THSD4: variants seen among roughly 807,000 people sequenced by gnomAD.
THSD4 encodes the protein thrombospondin type 1 domain containing 4, also known as thrombospondin type-1 domain-containing protein 4.
THSD4 carries 69 observed loss-of-function variants against 119.0 expected under a neutral mutation model. The ratio of observed to expected loss-of-function variants is 0.58; its 90% CI spans 0.48 to 0.71. The LOEUF is 0.71. THSD4 is among the 30% of genes least tolerant of loss of function. The pLI is 0.00. For missense variants in THSD4, 1,393 were observed against 1,391.1 expected, an observed-to-expected ratio of 1.00 and a Z score of -0.02; for synonymous variants, 524 against 540.4, an observed-to-expected ratio of 0.97 and a Z score of 0.42.
intron 7 of THSD4, among the ~76,000 whole-genome samples, chr15:71,591,028 A>G (rs1181412136): frequency 2.0e-5 from 3 of 147,836 alleles, no homozygotes; most frequent in African/African-American, 7.6e-5. Flanking sequence ...AAAAAAAAAA[A>G]AAAAAAAAAG....
At chr15:71,341,068 G>A (rs1381398316) in intron 6 of THSD4, 1 of 932,620 alleles carries the variant, frequency 1.1e-6, no homozygotes, top group Non-Finnish European at 1.6e-6. Context: ...TTCTTTTGTT[G>A]CCTTGCCTTT....
At chr15:71,171,740 G>T (rs2043366104) in intron 3 of THSD4, among the ~76,000 whole-genome samples, 1 of 152,166 alleles carries the variant, frequency 6.6e-6, no homozygotes, top group Admixed American at 6.5e-5. Context: ...TAGTATAAAT[G>T]CCAGAAAAGG....
At chr15:71,253,284 G>A (rs1451878242) in intron 5 of THSD4, among the ~76,000 whole-genome samples, 1 of 152,202 alleles carries the variant, frequency 6.6e-6, no homozygotes, top group East Asian at 1.9e-4. Flanking sequence ...TGGCAGATGT[G>A]TATGGATGTA....
At chr15:71,609,959 A>G (rs2050192731) in intron 7 of THSD4, among the ~76,000 whole-genome samples, 2 of 152,302 alleles carry the variant, frequency 1.3e-5, no homozygotes, top group African/African-American at 4.8e-5. Context: ...TTGCTCGGGC[A>G]TGCTTGGGGC....
chr15:71,284,066 A>T (rs1447018103), intron 6 of THSD4, among the ~76,000 whole-genome samples: 1 of 152,174 alleles, frequency 6.6e-6, no homozygotes, highest in Non-Finnish European at 1.5e-5. Context: ...TTTTCTCTTA[A>T]GTGTCCTTAG....
At chr15:71,194,516 A>G (rs1321753380) in intron 3 of THSD4, among the ~76,000 whole-genome samples, 1 of 152,030 alleles carries the variant, frequency 6.6e-6, no homozygotes, top group Non-Finnish European at 1.5e-5. Flanking sequence ...TAAGGGTATA[A>G]TTTCTCTAGT....
At chr15:71,496,471 C>G (rs2048019665) in intron 7 of THSD4, among the ~76,000 whole-genome samples, 1 of 152,128 alleles carries the variant, frequency 6.6e-6, no homozygotes, top group Non-Finnish European at 1.5e-5. Flanking sequence ...CTATCACTCC[C>G]AGCATGCAGC....
At chr15:71,424,474 A>T (rs969582547) in intron 7 of THSD4, among the ~76,000 whole-genome samples, 5 of 152,126 alleles carry the variant, frequency 3.3e-5, no homozygotes, top group African/African-American at 1.2e-4. Flanking sequence ...TCGAAGGGAA[A>T]GGGCAAGTAG....
intron 3 of THSD4, among the ~76,000 whole-genome samples, chr15:71,213,147 A>C (rs1189768516): frequency 6.6e-6 from 1 of 152,200 alleles, no homozygotes; most frequent in East Asian, 1.9e-4. Context: ...AAAGTTACTA[A>C]GGGGAGAATC....
At chr15:71,235,166 T>C (rs994632962) in intron 4 of THSD4, among the ~76,000 whole-genome samples, 4 of 152,290 alleles carry the variant, frequency 2.6e-5, no homozygotes, top group Non-Finnish European at 5.9e-5. Context: ...CCAGGAGAAA[T>C]AGAGGAGTAT....
intron 8 of THSD4, among the ~76,000 whole-genome samples, chr15:71,727,241 G>C (rs1004872001): frequency 6.6e-6 from 1 of 152,006 alleles, no homozygotes; most frequent in African/African-American, 2.4e-5. Context: ...AAATTTGACA[G>C]TGCACGTGCG....
intron 6 of THSD4, among the ~76,000 whole-genome samples, chr15:71,285,835 C>T (rs1042768068): frequency 9.3e-6 from 1 of 107,840 alleles, no homozygotes; most frequent in African/African-American, 3.7e-5. Context: ...GCCTGGGTGA[C>T]AGAGCGAGAC....
intron 6 of THSD4, among the ~76,000 whole-genome samples, chr15:71,385,874 A>G (rs1340161041): frequency 2.6e-5 from 4 of 152,192 alleles, no homozygotes; most frequent in African/African-American, 9.7e-5. Flanking sequence ...GGGTCCGGAA[A>G]GCTGCTGATG....
intron 7 of THSD4, among the ~76,000 whole-genome samples, chr15:71,447,118 GTTTTTTT>G (rs1555414736): frequency 2.6e-5 from 2 of 76,070 alleles, no homozygotes; most frequent in African/African-American, 9.3e-5. Context: ...CATTTTTTTT[GTTTTTTT>G]TTTTTTTTTT....
At chr15:71,567,594 A>ACCCCCCC (rs1434449898) in intron 7 of THSD4, among the ~76,000 whole-genome samples, 1 of 107,768 alleles carries the variant, frequency 9.3e-6, no homozygotes, top group African/African-American at 3.3e-5. Flanking sequence ...AAGAACAAAG[A>ACCCCCCC]CACCCCCCCA....
rs570018199 is a variant in THSD4, at chr15:71,652,361, TTAAAAG to T, written c.1153-8164_1153-8159del. ...ACAATTCACCATACGGCTCTACACA[TTAAAAG>T]TAAAGTGAAAGTCTAGAGGTTTCTA... On this transcript the variant is annotated intron_variant, in intron 7 of 17. Coordinates refer to ENST00000261862, the MANE Select transcript of THSD4 (RefSeq NM_024817.3). Among the ~76,000 whole-genome samples the T allele has an allele frequency of 1.5e-3, 225 of 152,304 alleles. 4 individuals are homozygous for T. Among genetic ancestry groups the T allele is most frequent in the African/African-American group, 5.2e-3 (216 of 41,578 alleles).
At chr15:71,483,145 AG>A (rs1819232903) in intron 7 of THSD4, among the ~76,000 whole-genome samples, 1 of 152,206 alleles carries the variant, frequency 6.6e-6, no homozygotes, top group South Asian at 2.1e-4. Flanking sequence ...ATTTAATAAA[AG>A]CACCATCCAG....
At chr15:71,776,731 A>G (rs986987316) in intron 17 of THSD4, among the ~76,000 whole-genome samples, 1 of 152,258 alleles carries the variant, frequency 6.6e-6, no homozygotes, top group African/African-American at 2.4e-5. Flanking sequence ...ATGTCCATCA[A>G]TAGAAAATGA....
At chr15:71,349,877 AGCT>A (rs1181806806) in intron 6 of THSD4, among the ~76,000 whole-genome samples, 1 of 152,088 alleles carries the variant, frequency 6.6e-6, no homozygotes, top group Non-Finnish European at 1.5e-5. Flanking sequence ...GCTGAAACAC[AGCT>A]GGTCTCAGGA....
Sources: gnomAD v4.1 joint callset for allele counts (sites outside exome capture counted in the v4.1 genomes callset) on GRCh38, gnomAD v4.1.1 for gene constraint, MANE v1.5 for transcripts, NCBI Gene and HGNC (gene_info 2026-07-23, HGNC 2026-07-21) for gene names.